The following TRIP4 variants were observed in gnomAD, a reference collection of about 807,000 sequenced individuals.
The protein encoded by TRIP4 is thyroid hormone receptor interactor 4.
TRIP4 carries 54 observed loss-of-function variants against 81.8 expected under a neutral mutation model. The observed-to-expected ratio is 0.66, with a 90% confidence interval of 0.53 to 0.83. The LOEUF (loss-of-function observed/expected upper bound fraction) is 0.83. TRIP4 is among the 40% of genes least tolerant of loss of function. The probability of loss-of-function intolerance (pLI) is 0.00; values close to 1 mark genes in which losing one functional copy is unlikely to be tolerated. For synonymous variants in TRIP4, 270 were observed against 242.8 expected, an observed-to-expected ratio of 1.11 and a Z score of -1.04; for missense variants, 662 against 683.6, an observed-to-expected ratio of 0.97 and a Z score of 0.35.
chr15:64,430,322 G>T (rs1892239721), intron 11 of TRIP4, among the ~76,000 whole-genome samples: 1 of 152,222 alleles, frequency 6.6e-6, no homozygotes, highest in Non-Finnish European at 1.5e-5. Context: ...GGGTAAAAAG[G>T]TAGATGAGAG....
intron 1 of TRIP4, 183 bp downstream of exon 1, chr15:64,388,147 C>A: frequency 9.0e-7 from 1 of 1,105,970 alleles, no homozygotes; most frequent in Non-Finnish European, 1.2e-6. Flanking sequence ...ATAGGGTGTC[C>A]GGCTCCACAG....
At chr15:64,395,865 C>T (rs145775880) in intron 3 of TRIP4, among the ~76,000 whole-genome samples, 2,682 of 151,614 alleles carry the variant, frequency 0.018, 65 homozygotes, top group African/African-American at 0.058. Context: ...ATCAGTCTCC[C>T]GAATAGCTGG....
chr15:64,434,168 G>A (rs953808090), intron 11 of TRIP4, among the ~76,000 whole-genome samples: 1 of 152,114 alleles, frequency 6.6e-6, no homozygotes, highest in African/African-American at 2.4e-5. Context: ...GGAAGGCCGA[G>A]GCAGGTGGAT....
intron 11 of TRIP4, among the ~76,000 whole-genome samples, chr15:64,435,383 G>C (rs1027090073): frequency 1.3e-5 from 2 of 151,432 alleles, no homozygotes; most frequent in African/African-American, 4.8e-5. Context: ...AAAATCTGCC[G>C]GGCGTGGTGG....
chr15:64,431,617 A>G lies in TRIP4; in HGVS notation c.1575+5986A>G, dbSNP rs563662075. Among the ~76,000 whole-genome samples the G allele has an allele frequency of 2.0e-5, 3 of 151,720 alleles. No homozygotes were observed. In the East Asian group the frequency reaches 5.9e-4, roughly 30 times the overall value. On this transcript the variant is annotated intron_variant, in intron 11 of 12. Coordinates refer to ENST00000261884, the MANE Select transcript of TRIP4 (RefSeq NM_016213.5). ...GCTACTTGGGAGGCTGAGGCAGGAG[A>G]ATCACTTGAACCCGGGAGGCAGAGG...
intron 12 of TRIP4, among the ~76,000 whole-genome samples, chr15:64,445,893 C>T (rs1318971398): frequency 5.3e-5 from 8 of 152,016 alleles, no homozygotes; most frequent in Non-Finnish European, 1.2e-4. Flanking sequence ...GTGTTTTGCC[C>T]CACTGTACTG....
At chr15:64,426,820 C>A (rs761333927) in intron 11 of TRIP4, among the ~76,000 whole-genome samples, 1 of 151,308 alleles carries the variant, frequency 6.6e-6, no homozygotes, top group Non-Finnish European at 1.5e-5. Flanking sequence ...CTAACACGGT[C>A]AAACCCCATC....
At chr15:64,408,539 GT>G (rs35365221) in intron 6 of TRIP4, among the ~76,000 whole-genome samples, 126,165 of 151,910 alleles carry the variant, frequency 0.83, 54,826 homozygotes, top group East Asian at 0.96. Context: ...GATTACAGGT[GT>G]TGAGCCACTG....
At chr15:64,393,827 T>C (rs1900205837) in intron 1 of TRIP4, 119 bp from the exon 2 acceptor site, 1 of 983,104 alleles carries the variant, frequency 1.0e-6, no homozygotes, top group South Asian at 2.7e-5. Context: ...AGTACTTGGC[T>C]CAAAGTAAAC....
At chr15:64,389,523 A>G (rs1233078600) in intron 1 of TRIP4, among the ~76,000 whole-genome samples, 1 of 152,096 alleles carries the variant, frequency 6.6e-6, no homozygotes, top group African/African-American at 2.4e-5. Flanking sequence ...ACTAGAATAG[A>G]CAACAAAACA....
chr15:64,426,817 G>T (rs956910627), intron 11 of TRIP4, among the ~76,000 whole-genome samples: 1 of 151,614 alleles, frequency 6.6e-6, no homozygotes, highest in East Asian at 1.9e-4. Flanking sequence ...TGGCTAACAC[G>T]GTCAAACCCC....
Position 64,394,126 on chromosome 15 carries a change from G to A in TRIP4, c.271+11G>A, listed in dbSNP as rs1900217034. 3.2e-6 allele frequency: 5 copies of A among 1,567,894 alleles called. No individual in the cohort carries two copies. Among genetic ancestry groups the A allele is most frequent in the Non-Finnish European group, 4.3e-6 (5 of 1,156,810 alleles). ...GCTTCAAAAAAGATGGTAAGTTAAT[G>A]TAATTATGCAAATGTTGAAATATTG... On this transcript the variant is annotated intron_variant, in intron 2 of 12. Transcript: ENST00000261884.
chr15:64,425,711 G>A, intron 11 of TRIP4, 80 bp downstream of exon 11: 1 of 1,119,376 alleles, frequency 8.9e-7, no homozygotes, highest in Non-Finnish European at 1.3e-6. Flanking sequence ...ACTTTAAGAG[G>A]CTGGGCCTCT....
chr15:64,423,998 A>ATATCCTTCCCACTAAATTTC (rs1419743892), intron 9 of TRIP4, 33 bp from the exon 10 acceptor site: 1 of 1,612,202 alleles, frequency 6.2e-7, no homozygotes, highest in Non-Finnish European at 8.5e-7. Context: ...ACTAGAATTT[A>ATATCCTTCCCACTAAATTTC]TATCCTTCCC....
chr15:64,444,189 T>C (rs1379608218), intron 11 of TRIP4, among the ~76,000 whole-genome samples: 1 of 152,206 alleles, frequency 6.6e-6, no homozygotes, highest in Non-Finnish European at 1.5e-5. Flanking sequence ...TAATGAAGTC[T>C]GACCCAGAAG....
chr15:64,447,013 A>G (rs1229858039), intron 12 of TRIP4, among the ~76,000 whole-genome samples: 1 of 152,144 alleles, frequency 6.6e-6, no homozygotes, highest in Non-Finnish European at 1.5e-5. Flanking sequence ...CTGAGGCAGG[A>G]GAATGGCGTG....
At chr15:64,433,519 A>ACATGAACC (rs1167414389) in intron 11 of TRIP4, among the ~76,000 whole-genome samples, 3 of 152,138 alleles carry the variant, frequency 2.0e-5, no homozygotes, top group African/African-American at 7.2e-5. Context: ...CAGGAGAATC[A>ACATGAACC]CATGAACCCA....
chr15:64,390,043 A>C (rs1596332477), intron 1 of TRIP4, among the ~76,000 whole-genome samples: 1 of 148,010 alleles, frequency 6.8e-6, no homozygotes, highest in East Asian at 1.9e-4. Flanking sequence ...AATATATTAA[A>C]TATCAAATAT....
At chr15:64,392,758 G>C (rs912780356) in intron 1 of TRIP4, among the ~76,000 whole-genome samples, 4 of 152,018 alleles carry the variant, frequency 2.6e-5, no homozygotes, top group Non-Finnish European at 5.9e-5. Flanking sequence ...AGGACTACAG[G>C]AACATGCCTC....
Sources: gnomAD v4.1 joint callset for allele counts (sites outside exome capture counted in the v4.1 genomes callset) on GRCh38, gnomAD v4.1.1 for gene constraint, MANE v1.5 for transcripts, NCBI Gene and HGNC (gene_info 2026-07-23, HGNC 2026-07-21) for gene names.